The following CDC42BPA variants were observed in gnomAD, a reference collection of about 807,000 sequenced individuals.
The protein encoded by CDC42BPA is CDC42 binding protein kinase alpha, also known as serine/threonine-protein kinase MRCK alpha.
In CDC42BPA, 80 loss-of-function variants were observed where a neutral mutation model predicts 223.5. That is an observed-to-expected ratio of 0.36 (90% CI 0.30 to 0.43). The LOEUF is 0.43. Among genes scored for constraint, CDC42BPA ranks in the 20% least tolerant of loss-of-function variants. The pLI is 1.00. For synonymous variants in CDC42BPA, 694 were observed against 718.6 expected (o/e 0.97, Z 0.55); for missense variants, 1,743 against 2,099.9 (o/e 0.83, Z 3.32).
chr1:227,030,373 TA>T, intron 29 of CDC42BPA, 34 bp downstream of exon 29: 2 of 1,366,902 alleles, frequency 1.5e-6, no homozygotes, highest in Non-Finnish European at 2.1e-6. Context: ...TAACACGATT[TA>T]AAATTACTCC....
chr1:227,206,084 G>C (rs1010176998), intron 3 of CDC42BPA, among the ~76,000 whole-genome samples: 34 of 152,172 alleles, frequency 2.2e-4, no homozygotes, highest in African/African-American at 7.7e-4. Flanking sequence ...TTATAAAAAG[G>C]TTTAACTCTC....
chr1:227,262,576 T>C (rs1029557717), intron 1 of CDC42BPA, among the ~76,000 whole-genome samples: 5 of 152,178 alleles, frequency 3.3e-5, no homozygotes, highest in Admixed American at 2.6e-4. Flanking sequence ...ACTAAGAATA[T>C]AGCCATGTAT....
At chr1:227,249,203 T>C (rs748262094) in intron 2 of CDC42BPA, among the ~76,000 whole-genome samples, 6 of 152,156 alleles carry the variant, frequency 3.9e-5, no homozygotes, top group African/African-American at 7.2e-5. Context: ...CTTCAATAAA[T>C]GGTGCTGGGA....
chr1:227,007,702 T>C (rs764172748), intron 34 of CDC42BPA, among the ~76,000 whole-genome samples: 3 of 152,228 alleles, frequency 2.0e-5, no homozygotes, highest in Admixed American at 1.3e-4. Context: ...TTCTAGTAGC[T>C]TAACATAGAG....
intron 1 of CDC42BPA, among the ~76,000 whole-genome samples, chr1:227,293,128 A>G (rs767658969): frequency 1.1e-4 from 16 of 152,302 alleles, no homozygotes; most frequent in Admixed American, 2.0e-4. Context: ...CATTAATCAA[A>G]TAAATATTTA....
At chr1:227,219,670 T>C (rs1397921757) in intron 2 of CDC42BPA, among the ~76,000 whole-genome samples, 1 of 152,122 alleles carries the variant, frequency 6.6e-6, no homozygotes, top group African/African-American at 2.4e-5. Context: ...GCCTACCCAC[T>C]GGGCCTATAT....
At chr1:227,277,951 A>G (rs1247621075) in intron 1 of CDC42BPA, among the ~76,000 whole-genome samples, 1 of 152,142 alleles carries the variant, frequency 6.6e-6, no homozygotes, top group Non-Finnish European at 1.5e-5. Flanking sequence ...GGGTTTCACC[A>G]TATTAGCCAG....
intron 30 of CDC42BPA, among the ~76,000 whole-genome samples, chr1:227,027,587 A>G (rs1039557224): frequency 6.6e-6 from 1 of 152,184 alleles, no homozygotes; most frequent in African/African-American, 2.4e-5. Flanking sequence ...CATTAAAAAC[A>G]AAACAGTTTG....
At chr1:227,054,852 G>GA (rs1488717644) in intron 21 of CDC42BPA, among the ~76,000 whole-genome samples, 6 of 151,862 alleles carry the variant, frequency 4.0e-5, no homozygotes, top group Admixed American at 3.3e-4. Flanking sequence ...GTAGAATAAT[G>GA]AAATTTACCA....
chr1:227,080,199 G>A (rs1034441513), intron 17 of CDC42BPA, among the ~76,000 whole-genome samples: 2 of 151,984 alleles, frequency 1.3e-5, no homozygotes, highest in South Asian at 4.1e-4. Context: ...TTGCCAAAAT[G>A]GATTTCAAAA....
intron 3 of CDC42BPA, among the ~76,000 whole-genome samples, chr1:227,205,548 G>A (rs914865779): frequency 6.6e-6 from 1 of 151,862 alleles, no homozygotes; most frequent in African/African-American, 2.4e-5. Context: ...AGGGAGAAAA[G>A]GGAACTTGCA....
intron 21 of CDC42BPA, among the ~76,000 whole-genome samples, chr1:227,068,118 A>T (rs941314814): frequency 6.6e-6 from 1 of 151,906 alleles, no homozygotes; most frequent in Non-Finnish European, 1.5e-5. Context: ...TGCACATTAG[A>T]AGAGAAATTC....
At chr1:227,053,881 T>TA (rs1342388023) in intron 21 of CDC42BPA, among the ~76,000 whole-genome samples, 4 of 152,184 alleles carry the variant, frequency 2.6e-5, no homozygotes, top group African/African-American at 9.7e-5. Context: ...AAATGTCTTT[T>TA]AGTTTCTAAA....
At chr1:227,233,793 C>T (rs111365023) in intron 2 of CDC42BPA, among the ~76,000 whole-genome samples, 23,482 of 151,846 alleles carry the variant, frequency 0.15, 2,235 homozygotes, top group African/African-American at 0.25. Flanking sequence ...ATTAGCCAGG[C>T]GTGGTGGCGG....
intron 5 of CDC42BPA, among the ~76,000 whole-genome samples, chr1:227,166,256 C>T (rs905392600): frequency 4.6e-5 from 7 of 152,186 alleles, no homozygotes; most frequent in African/African-American, 1.7e-4. Context: ...CTCTCCTAAC[C>T]TTCGAAATAA....
intron 11 of CDC42BPA, among the ~76,000 whole-genome samples, chr1:227,127,969 C>T (rs897823206): frequency 3.3e-5 from 5 of 152,198 alleles, no homozygotes; most frequent in African/African-American, 1.2e-4. Context: ...CCCTATCCCT[C>T]TGCTTATTCA....
intron 2 of CDC42BPA, among the ~76,000 whole-genome samples, chr1:227,236,603 CTACAA>C (rs1317616587): frequency 6.6e-6 from 1 of 152,114 alleles, no homozygotes; most frequent in Admixed American, 6.5e-5. Context: ...CTACATACAA[CTACAA>C]AACAAATTAT....
intron 15 of CDC42BPA, among the ~76,000 whole-genome samples, chr1:227,096,809 A>T (rs892442373): frequency 2.6e-5 from 4 of 152,064 alleles, no homozygotes; most frequent in Non-Finnish European, 4.4e-5. Flanking sequence ...CATCAATGAC[A>T]CCAGCTGGTT....
chr1:227,033,415 C>T lies in CDC42BPA; in HGVS notation c.3477G>A (p.Arg1159=), dbSNP rs1409039018. 7 of 1,611,048 alleles carry T rather than the reference C, an allele frequency of 4.3e-6. No homozygotes were observed. Among genetic ancestry groups the T allele is most frequent in the Non-Finnish European group, 5.9e-6 (7 of 1,177,510 alleles). ...SVVISQVIDM[R]DEEFSVSSVL... The stretch of plus-strand genomic sequence containing the variant: ...CTGAACTCACAGAAAATTCTTCATC[C>T]CTGAACGAAAAGCAAAGCATTAAAA... Residue 1159 remains arginine, a splice_region_variant and synonymous_variant, in exon 27 of 37, where the codon AGG becomes AGA. Transcript: ENST00000366766.
Sources: gnomAD v4.1 joint callset for allele counts (sites outside exome capture counted in the v4.1 genomes callset) on GRCh38, gnomAD v4.1.1 for gene constraint, MANE v1.5 for transcripts, NCBI Gene and HGNC (gene_info 2026-07-23, HGNC 2026-07-21) for gene names.